Variants in ADAMTS20 observed in about 807,000 individuals in gnomAD.
ADAMTS20 encodes A disintegrin and metalloproteinase with thrombospondin motifs 20.
ADAMTS20 carries 225 observed loss-of-function variants against 260.1 expected under a neutral mutation model. The ratio of observed to expected loss-of-function variants is 0.87; its 90% CI spans 0.78 to 0.97. The LOEUF is 0.97. ADAMTS20 is among the 50% of genes least tolerant of loss of function. The pLI is 0.00. For missense variants in ADAMTS20, 2,400 were observed against 2,337.7 expected (o/e 1.03, Z -0.55); for synonymous variants, 802 against 769.5 (o/e 1.04, Z -0.70).
intron 2 of ADAMTS20, among the ~76,000 whole-genome samples, chr12:43,543,441 T>C (rs1943403342): frequency 6.6e-6 from 1 of 152,236 alleles, no homozygotes. Context: ...TTCTTCTTTC[T>C]GTAGCAAGTT....
chr12:43,444,925 G>A (rs1941733227), intron 15 of ADAMTS20, among the ~76,000 whole-genome samples: 1 of 152,124 alleles, frequency 6.6e-6, no homozygotes, highest in African/African-American at 2.4e-5. Context: ...TTTAGTGTAA[G>A]ACGATAAGAA....
intron 2 of ADAMTS20, among the ~76,000 whole-genome samples, chr12:43,543,160 A>G (rs1240761477): frequency 6.6e-6 from 1 of 152,106 alleles, no homozygotes; most frequent in Admixed American, 6.6e-5. Context: ...AAAGAAAAAA[A>G]AACTGGTCAG....
At position 43,369,268 on chromosome 12, in the gene ADAMTS20, TAATC is replaced by T; in HGVS notation, c.5538+18_5538+21del. On this transcript the variant is annotated intron_variant, in intron 37 of 38. Coordinates refer to ENST00000389420, the MANE Select transcript of ADAMTS20 (RefSeq NM_025003.5). ...AATTTTTTTCACAAAGAAAGAAAAT[TAATC>T]AAACAAATATGAAATACCTGTGGGC... 1 of 1,418,076 alleles carries T rather than the reference TAATC, an allele frequency of 7.1e-7. No homozygotes were observed. The highest frequency in any genetic ancestry group is 9.3e-7 in the Non-Finnish European group (1 of 1,074,238). The allele number at this position is 1,418,076 out of a possible 1,614,324, so 87.8% of individuals were successfully genotyped here. A position where few individuals can be genotyped will look rare whatever the true frequency, so the allele number is the denominator to read the frequency against.
At chr12:43,425,725 T>C in intron 27 of ADAMTS20, 35 bp from the exon 28 acceptor site, 1 of 1,448,996 alleles carries the variant, frequency 6.9e-7, no homozygotes, top group African/African-American at 1.4e-5. Flanking sequence ...AAAACTGTGG[T>C]TTTAAAGAGA....
intron 9 of ADAMTS20, among the ~76,000 whole-genome samples, chr12:43,465,164 AAACAAC>A (rs540019701): frequency 2.6e-5 from 4 of 151,996 alleles, no homozygotes; most frequent in Admixed American, 1.3e-4. Context: ...TTCTAGTCCT[AAACAAC>A]AACAACAACA....
At chr12:43,509,944 G>C (rs1416609564) in intron 3 of ADAMTS20, among the ~76,000 whole-genome samples, 1 of 152,042 alleles carries the variant, frequency 6.6e-6, no homozygotes, top group Non-Finnish European at 1.5e-5. Flanking sequence ...TGAATATTAG[G>C]AAGAAAATTT....
At chr12:43,378,861 G>A (rs1940287265) in intron 31 of ADAMTS20, among the ~76,000 whole-genome samples, 1 of 152,170 alleles carries the variant, frequency 6.6e-6, no homozygotes, top group Non-Finnish European at 1.5e-5. Context: ...TGCCCGATCA[G>A]TTTTTTCAGA....
intron 23 of ADAMTS20, 117 bp from the exon 24 acceptor site, chr12:43,429,841 G>T: frequency 1.6e-6 from 1 of 620,224 alleles, no homozygotes; most frequent in South Asian, 2.8e-5. Context: ...ATTAGAAATT[G>T]GTAATATGAA....
Position 43,523,337 on chromosome 12 carries a change from C to A in ADAMTS20, c.613+8699G>T, listed in dbSNP as rs778790066. On this transcript the variant is annotated intron_variant, in intron 3 of 38. Transcript: ENST00000389420. The stretch of plus-strand genomic sequence containing the variant: ...GGAAGCCATTCCTTATTTTGTCTCA[C>A]AGGGGACCTCATGGAAGTTCTGCCA... 5.2e-4 allele frequency among the ~76,000 whole-genome samples: 79 copies of A among 152,310 alleles called. 1 individual carries two copies. Among genetic ancestry groups the A allele is most frequent in the Non-Finnish European group, 7.8e-4 (53 of 68,034 alleles).
intron 3 of ADAMTS20, among the ~76,000 whole-genome samples, chr12:43,519,148 T>G (rs1463094062): frequency 6.6e-6 from 1 of 152,116 alleles, no homozygotes; most frequent in Non-Finnish European, 1.5e-5. Context: ...TTTAGCCAGA[T>G]TCAGTACTGT....
chr12:43,405,229 CA>C (rs869040570), intron 28 of ADAMTS20, among the ~76,000 whole-genome samples: 2,371 of 51,564 alleles, frequency 0.046, 4 homozygotes, highest in African/African-American at 0.091. Flanking sequence ...CTCATCTCTA[CA>C]AAAAAAAAAA....
At chr12:43,374,883 G>T (rs1940187169) in intron 36 of ADAMTS20, among the ~76,000 whole-genome samples, 2 of 152,004 alleles carry the variant, frequency 1.3e-5, no homozygotes, top group Admixed American at 6.5e-5. Context: ...TTTATTAAGA[G>T]TCCCCAGCTG....
chr12:43,475,407 C>A (rs1341071432), intron 7 of ADAMTS20, among the ~76,000 whole-genome samples: 2 of 140,378 alleles, frequency 1.4e-5, no homozygotes, highest in East Asian at 4.3e-4. Flanking sequence ...TGAAAATGGC[C>A]ATACTGCCCA....
chr12:43,398,462 G>A (rs899206423), intron 29 of ADAMTS20, among the ~76,000 whole-genome samples: 1 of 151,868 alleles, frequency 6.6e-6, no homozygotes, highest in Non-Finnish European at 1.5e-5. Context: ...TCATTCTAGC[G>A]CAGCCTAGGC....
rs747234178 is a variant in ADAMTS20 at position 43,466,802 on chromosome 12, A to C, written c.1224-7T>G. ...ATCATGTTGAACACCAAGTCTAAAA[A>C]TAAAAATAAACACTTAAAAGGAATA... On this transcript the variant is annotated splice_polypyrimidine_tract_variant and splice_region_variant and intron_variant, in intron 8 of 38. Coordinates refer to ENST00000389420, the MANE Select transcript of ADAMTS20 (RefSeq NM_025003.5). 1 of 1,574,212 alleles carries C rather than the reference A, an allele frequency of 6.4e-7. No individual in the cohort carries two copies. Among genetic ancestry groups the C allele is most frequent in the Non-Finnish European group, 8.7e-7 (1 of 1,153,554 alleles).
At chr12:43,511,228 C>A (rs938959733) in intron 3 of ADAMTS20, among the ~76,000 whole-genome samples, 5 of 152,090 alleles carry the variant, frequency 3.3e-5, no homozygotes, top group African/African-American at 1.2e-4. Context: ...TTCCCGCTGT[C>A]TTCAATCTCT....
At chr12:43,440,738 G>T (rs1412054461) in intron 16 of ADAMTS20, among the ~76,000 whole-genome samples, 1 of 152,118 alleles carries the variant, frequency 6.6e-6, no homozygotes, top group African/African-American at 2.4e-5. Context: ...TCAATGGTAG[G>T]GAAAGAAGGA....
intron 3 of ADAMTS20, among the ~76,000 whole-genome samples, chr12:43,514,560 C>CAAAAA (rs58435633): frequency 6.3e-5 from 4 of 63,696 alleles, no homozygotes; most frequent in Non-Finnish European, 9.9e-5. Flanking sequence ...GACTCTATCT[C>CAAAAA]AAAAAAAAAA....
chr12:43,460,988 A>ATATATATATATATATTTT, intron 11 of ADAMTS20, among the ~76,000 whole-genome samples: 2 of 26,394 alleles, frequency 7.6e-5, no homozygotes, highest in Non-Finnish European at 1.3e-4. Context: ...ATATATATAT[A>ATATATATATATATATTTT]TTTTTTTTTT....
Sources: gnomAD v4.1 joint callset for allele counts (sites outside exome capture counted in the v4.1 genomes callset) on GRCh38, gnomAD v4.1.1 for gene constraint, MANE v1.5 for transcripts, NCBI Gene and HGNC (gene_info 2026-07-23, HGNC 2026-07-21) for gene names.